Variants in ADCY8 observed in about 807,000 individuals in gnomAD.
The protein encoded by ADCY8 is adenylate cyclase 8.
ADCY8 carries 51 observed loss-of-function variants against 119.7 expected under a neutral mutation model. The observed-to-expected ratio is 0.43, with a 90% CI of 0.34 to 0.54. The LOEUF (loss-of-function observed/expected upper bound fraction) is 0.54. Ranked by LOEUF, ADCY8 falls within the 20% of genes least tolerant of loss-of-function variation. The probability of loss-of-function intolerance (pLI) is 0.03; values close to 1 mark genes in which losing one functional copy is unlikely to be tolerated. For missense variants in ADCY8, 1,383 were observed against 1,598.8 expected, an observed-to-expected ratio of 0.87 and a Z score of 2.30; for synonymous variants, 665 against 651.0, an observed-to-expected ratio of 1.02 and a Z score of -0.33.
At chr8:130,865,307 T>C (rs1818077979) in intron 9 of ADCY8, among the ~76,000 whole-genome samples, 1 of 152,090 alleles carries the variant, frequency 6.6e-6, no homozygotes, top group African/African-American at 2.4e-5. Flanking sequence ...TGCTGTTTGT[T>C]CTCTTTTGCT....
Position 130,854,416 on chromosome 8 carries a change from G to A in ADCY8, c.2211-4613C>T, listed in dbSNP as rs540612099. 5.3e-5 allele frequency among the ~76,000 whole-genome samples: 8 copies of A among 152,306 alleles called. No homozygotes were observed. In the South Asian group the frequency reaches 1.7e-3, roughly 32 times the overall value. On this transcript the variant is annotated intron_variant, in intron 9 of 17. Transcript: ENST00000286355. ...TTGTGATTTGACATTTGCTGGGAAG[G>A]CAGGAATCAGTGGGGATGAGTGAAC...
chr8:130,883,125 C>A (rs1563710982), intron 8 of ADCY8, among the ~76,000 whole-genome samples: 1 of 151,002 alleles, frequency 6.6e-6, no homozygotes, highest in Non-Finnish European at 1.5e-5. Flanking sequence ...ACACTAGAAA[C>A]TATCTGTAGT....
intron 8 of ADCY8, among the ~76,000 whole-genome samples, chr8:130,870,334 A>C (rs1380343303): frequency 2.0e-5 from 3 of 151,610 alleles, no homozygotes; most frequent in Non-Finnish European, 2.9e-5. Flanking sequence ...TATGTCATCC[A>C]CCCATCATCA....
chr8:130,990,577 C>A, intron 1 of ADCY8, 35 bp from the exon 2 acceptor site: 1 of 1,595,738 alleles, frequency 6.3e-7, no homozygotes, highest in Admixed American at 1.7e-5. Context: ...GCGCTTAAAA[C>A]AAAAGCTATT....
chr8:130,929,205 T>C (rs892317039), intron 5 of ADCY8, among the ~76,000 whole-genome samples: 1 of 152,174 alleles, frequency 6.6e-6, no homozygotes, highest in African/African-American at 2.4e-5. Context: ...ACTTAGTTTG[T>C]TCTTGTTTTT....
chr8:130,890,962 C>A (rs1471885324), intron 7 of ADCY8, among the ~76,000 whole-genome samples: 1 of 152,144 alleles, frequency 6.6e-6, no homozygotes, highest in Non-Finnish European at 1.5e-5. Context: ...AAAGACCTAG[C>A]GAGAACGCCA....
At chr8:130,836,135 C>G (rs1461628022) in intron 12 of ADCY8, 142 bp downstream of exon 12, 1 of 942,578 alleles carries the variant, frequency 1.1e-6, no homozygotes, top group African/African-American at 1.7e-5. Flanking sequence ...GACTTGTAAA[C>G]TACAGAATGC....
chr8:130,897,917 C>T (rs1301816791), intron 7 of ADCY8, among the ~76,000 whole-genome samples: 1 of 151,184 alleles, frequency 6.6e-6, no homozygotes, highest in Admixed American at 6.6e-5. Flanking sequence ...GCACACTACA[C>T]ATATACACAC....
intron 15 of ADCY8, among the ~76,000 whole-genome samples, chr8:130,795,312 G>A (rs10956553): frequency 0.62 from 94,188 of 152,114 alleles, 30,212 homozygotes; most frequent in African/African-American, 0.75. Flanking sequence ...ACAGGACCAC[G>A]CATAGTTTGC....
At chr8:131,019,423 A>G (rs554581216) in intron 1 of ADCY8, among the ~76,000 whole-genome samples, 1 of 152,314 alleles carries the variant, frequency 6.6e-6, no homozygotes, top group South Asian at 2.1e-4. Context: ...ACAATTTGGC[A>G]GATTCTTTGG....
chr8:130,839,743 T>G (rs1817084808), intron 11 of ADCY8, among the ~76,000 whole-genome samples: 1 of 139,842 alleles, frequency 7.2e-6, no homozygotes, highest in Non-Finnish European at 1.6e-5. Context: ...CCTAAATGGA[T>G]CCTGGGTATA....
intron 3 of ADCY8, among the ~76,000 whole-genome samples, chr8:130,950,420 G>T (rs1033242061): frequency 9.9e-5 from 15 of 152,222 alleles, no homozygotes; most frequent in African/African-American, 3.6e-4. Flanking sequence ...AGGAATTGCA[G>T]TGGTGGCCGT....
intron 14 of ADCY8, among the ~76,000 whole-genome samples, chr8:130,806,215 TGCCCTTGGTG>T (rs1182915379): frequency 2.6e-5 from 4 of 152,212 alleles, no homozygotes; most frequent in Non-Finnish European, 5.9e-5. Context: ...GCTCTGCTTT[TGCCCTTGGTG>T]GCCCTGAGAT....
intron 12 of ADCY8, among the ~76,000 whole-genome samples, chr8:130,831,552 A>T (rs1816834715): frequency 6.6e-6 from 1 of 152,202 alleles, no homozygotes. Flanking sequence ...AGGGGGATAT[A>T]TGTGCAGAAG....
At chr8:130,862,501 C>T (rs1232067456) in intron 9 of ADCY8, among the ~76,000 whole-genome samples, 4 of 152,138 alleles carry the variant, frequency 2.6e-5, no homozygotes, top group Non-Finnish European at 2.9e-5. Context: ...CAAGCTCCGC[C>T]TCCCAGGTTC....
intron 10 of ADCY8, 137 bp downstream of exon 10, chr8:130,849,465 C>T: frequency 1.2e-6 from 1 of 858,210 alleles, no homozygotes; most frequent in Admixed American, 2.4e-5. Flanking sequence ...GTTATCTGTC[C>T]CTAAGCTTGG....
intron 9 of ADCY8, among the ~76,000 whole-genome samples, chr8:130,860,337 T>C (rs918940308): frequency 1.4e-4 from 21 of 152,216 alleles, no homozygotes; most frequent in African/African-American, 5.1e-4. Flanking sequence ...AAATATTTTC[T>C]TCTGGTCTGT....
At position 131,039,712 on chromosome 8, in the gene ADCY8, T is replaced by G. The variant is rs76847181; in HGVS notation, c.622A>C (p.Met208Leu). 1.4e-5 allele frequency: 22 copies of G among 1,613,936 alleles called. No homozygotes were observed. Among genetic ancestry groups the G allele is most frequent in the Non-Finnish European group, 1.9e-5 (22 of 1,180,006 alleles). ...VLHLSLASAP[M>L]DPLKGILLGF... ...AGCAGGATGCCCTTGAGCGGGTCCA[T>G]GGGGGCCGAGGCCAGGCTCAAGTGT... Residue 208 changes from methionine (M) to leucine (L), a missense_variant, in exon 1 of 18, where the codon ATG (methionine) becomes CTG (leucine). This residue lies in a region of ADCY8 where 455 missense variants were observed against 435.3 expected (regional missense o/e 1.05). Coordinates refer to ENST00000286355, the MANE Select transcript of ADCY8 (RefSeq NM_001115.3).
chr8:130,909,386 C>T (rs1436032327), intron 6 of ADCY8, among the ~76,000 whole-genome samples: 1 of 152,202 alleles, frequency 6.6e-6, no homozygotes, highest in Non-Finnish European at 1.5e-5. Context: ...ACAGATTCTG[C>T]TTTAAATAAA....
Sources: gnomAD v4.1 joint callset for allele counts (sites outside exome capture counted in the v4.1 genomes callset) on GRCh38, gnomAD v4.1.1 for gene constraint, gnomAD v4.1.1 regional missense constraint, MANE v1.5 for transcripts, NCBI Gene and HGNC (gene_info 2026-07-23, HGNC 2026-07-21) for gene names.